CPAMD8: variants seen among roughly 807,000 people sequenced by gnomAD.
CPAMD8 encodes C3 and PZP like alpha-2-macroglobulin domain containing 8.
A neutral mutation model predicts 224.7 loss-of-function variants in CPAMD8; 146 were observed. The ratio of observed to expected loss-of-function variants is 0.65; its 90% CI spans 0.57 to 0.75. CPAMD8 has a LOEUF of 0.75. CPAMD8 is among the 30% of genes least tolerant of loss of function. The probability of loss-of-function intolerance (pLI) is 0.00; values close to 1 mark genes in which losing one functional copy is unlikely to be tolerated. For missense variants in CPAMD8, 2,301 were observed against 2,537.5 expected, an observed-to-expected ratio of 0.91 and a Z score of 2.00; for synonymous variants, 966 against 1,044.6, an observed-to-expected ratio of 0.92 and a Z score of 1.45.
intron 13 of CPAMD8, among the ~76,000 whole-genome samples, chr19:16,987,368 A>T (rs2055782035): frequency 6.6e-6 from 1 of 151,122 alleles, no homozygotes; most frequent in Non-Finnish European, 1.5e-5. Flanking sequence ...AGACAGCAGG[A>T]CCCCCTCTCC....
chr19:16,974,973 T>G, intron 17 of CPAMD8, 124 bp downstream of exon 17: 1 of 1,322,358 alleles, frequency 7.6e-7, no homozygotes, highest in Non-Finnish European at 1.0e-6. Context: ...AGACCCCATC[T>G]CGAAAAAAAG....
At chr19:16,957,490 CAA>C (rs1280706564) in intron 19 of CPAMD8, 1 of 192,414 alleles carries the variant, frequency 5.2e-6, no homozygotes, top group Non-Finnish European at 1.1e-5. Flanking sequence ...GTTTTTTGAG[CAA>C]GAGCTGTAGT....
At chr19:17,012,053 T>C (rs574570990) in intron 3 of CPAMD8, among the ~76,000 whole-genome samples, 5 of 152,022 alleles carry the variant, frequency 3.3e-5, no homozygotes, top group Non-Finnish European at 7.4e-5. Context: ...CAAGGCTTAC[T>C]CTGTCGCCCA....
chr19:16,987,381 T>TTCC (rs1453948350), intron 13 of CPAMD8, among the ~76,000 whole-genome samples: 1 of 151,086 alleles, frequency 6.6e-6, no homozygotes, highest in Non-Finnish European at 1.5e-5. Context: ...CCCTCTCCTC[T>TTCC]TCCTCCTCCT....
intron 26 of CPAMD8, among the ~76,000 whole-genome samples, chr19:16,923,692 C>T (rs2053255812): frequency 6.6e-6 from 1 of 152,166 alleles, no homozygotes; most frequent in African/African-American, 2.4e-5. Flanking sequence ...GGCCGGGCAT[C>T]GTGGCTTGCA....
At chr19:16,893,465 C>A (rs948413283) in intron 41 of CPAMD8, 126 bp from the exon 42 acceptor site, 7 of 632,856 alleles carry the variant, frequency 1.1e-5, no homozygotes, top group African/African-American at 1.8e-5. Context: ...CCGGCCAGGG[C>A]AGCCTCAGAC....
chr19:16,932,316 G>T (rs1416570708), intron 23 of CPAMD8, among the ~76,000 whole-genome samples: 3 of 152,038 alleles, frequency 2.0e-5, no homozygotes, highest in African/African-American at 7.3e-5. Flanking sequence ...AGCTTCTTGG[G>T]GGTCTGAGGT....
intron 30 of CPAMD8, among the ~76,000 whole-genome samples, chr19:16,906,382 CTT>C (rs753799948): frequency 6.8e-4 from 48 of 70,572 alleles, no homozygotes; most frequent in African/African-American, 2.0e-3. Context: ...TTCTTTCTTT[CTT>C]TCTTTCTTTC....
In CPAMD8 at chr19:17,018,717, T is replaced by TACACACACAC. The variant is rs367984655; in HGVS notation, c.267+1604_267+1613dup. ...GGTAAAACCCCATCTCTACTAAAAA[T>TACACACACAC]ACACACACACACACACACACACACA... On this transcript the variant is annotated intron_variant, in intron 3 of 41. Coordinates refer to ENST00000443236, the MANE Select transcript of CPAMD8 (RefSeq NM_015692.5). Among the ~76,000 whole-genome samples, 1,101 of 136,796 alleles carry TACACACACAC rather than the reference T, an allele frequency of 8.0e-3. 9 individuals carry two copies. Among genetic ancestry groups the TACACACACAC allele is most frequent in the African/African-American group, 0.026 (940 of 35,758 alleles). 89.7% of individuals were successfully genotyped at this position (136,796 alleles called of 152,430 possible). A position where few individuals can be genotyped will look rare whatever the true frequency, so the allele number is the denominator to read the frequency against.
intron 22 of CPAMD8, among the ~76,000 whole-genome samples, chr19:16,942,145 A>G (rs1280482245): frequency 2.6e-5 from 4 of 151,920 alleles, no homozygotes; most frequent in Admixed American, 6.6e-5. Context: ...CTGTGAGCCA[A>G]TTAAACCTCT....
intron 39 of CPAMD8, 62 bp downstream of exon 39, chr19:16,897,629 G>C (rs976376746): frequency 2.1e-6 from 2 of 943,696 alleles, no homozygotes; most frequent in South Asian, 1.7e-5. Flanking sequence ...CCTGGCGTCC[G>C]AGGGTGGGAG....
intron 18 of CPAMD8, among the ~76,000 whole-genome samples, chr19:16,969,042 G>A (rs912722332): frequency 2.6e-5 from 4 of 152,178 alleles, no homozygotes; most frequent in Non-Finnish European, 4.4e-5. Context: ...AGGAAGAGGA[G>A]GGAAGGATGA....
intron 2 of CPAMD8, 24 bp from the exon 3 acceptor site, chr19:17,020,377 A>G (rs746357499): frequency 6.4e-7 from 1 of 1,557,854 alleles, no homozygotes; most frequent in Admixed American, 1.7e-5. Flanking sequence ...TAAAATGAAA[A>G]AAGTTAAATC....
At chr19:16,970,547 TG>T (rs1177122209) in intron 18 of CPAMD8, among the ~76,000 whole-genome samples, 1 of 151,018 alleles carries the variant, frequency 6.6e-6, no homozygotes, top group Non-Finnish European at 1.5e-5. Context: ...ATCACACCAC[TG>T]GGGGTGTGGT....
chr19:16,991,546 T>C (rs191293654), intron 12 of CPAMD8, among the ~76,000 whole-genome samples: 1 of 152,196 alleles, frequency 6.6e-6, no homozygotes, highest in East Asian at 1.9e-4. Flanking sequence ...TGCCAGGCTG[T>C]GGTCACTCTC....
At chr19:16,958,770 T>C (rs1037490955) in intron 18 of CPAMD8, among the ~76,000 whole-genome samples, 2 of 151,976 alleles carry the variant, frequency 1.3e-5, no homozygotes, top group African/African-American at 4.8e-5. Flanking sequence ...CTCCACTACC[T>C]CACCAACATC....
chr19:16,954,986 G>T (rs1238972355), intron 19 of CPAMD8, among the ~76,000 whole-genome samples: 1 of 152,194 alleles, frequency 6.6e-6, no homozygotes, highest in African/African-American at 2.4e-5. Flanking sequence ...AAATTAGCAG[G>T]GCATGGTGGT....
At chr19:16,942,005 T>C (rs1005904786) in intron 22 of CPAMD8, among the ~76,000 whole-genome samples, 2 of 151,634 alleles carry the variant, frequency 1.3e-5, no homozygotes, top group Middle Eastern at 3.4e-3. Flanking sequence ...AACAAAACTG[T>C]GAAGCACCTC....
At position 17,004,255 on chromosome 19, in the gene CPAMD8, T is replaced by G; in HGVS notation, c.673+18A>C. 443 of 1,519,014 alleles carry G rather than the reference T, an allele frequency of 2.9e-4. No homozygotes were observed. Among genetic ancestry groups the G allele is most frequent in the Non-Finnish European group, 3.7e-4 (408 of 1,094,518 alleles). 94.1% of individuals were successfully genotyped at this position (1,519,014 alleles called of 1,614,324 possible). On this transcript the variant is annotated intron_variant, in intron 8 of 41. Transcript: ENST00000443236. ...TCCCAGATCTGAAATCCCAAGACCC[T>G]GAGATTCTCCAACTTACCATACTTC... is the stretch of plus-strand genomic sequence containing the variant.
Sources: allele counts gnomAD v4.1 joint callset (sites outside exome capture counted in the v4.1 genomes callset), GRCh38; gene constraint gnomAD v4.1.1; transcripts MANE v1.5; gene names NCBI Gene and HGNC (gene_info 2026-07-23, HGNC 2026-07-21).